TIAM1: variants seen among roughly 807,000 people sequenced by gnomAD.
The protein encoded by TIAM1 is TIAM Rac1 associated GEF 1.
In TIAM1, 65 loss-of-function variants were observed where a neutral mutation model predicts 163.5. The observed-to-expected ratio is 0.40, with a 90% CI of 0.33 to 0.49. The LOEUF (loss-of-function observed/expected upper bound fraction) is 0.49. Ranked by LOEUF, TIAM1 falls within the 20% of genes least tolerant of loss-of-function variation. The pLI, the probability that TIAM1 is intolerant of heterozygous loss-of-function variation, is 0.77. For synonymous variants in TIAM1, 833 were observed against 810.1 expected (o/e 1.03, Z -0.48); for missense variants, 1,789 against 2,044.7 (o/e 0.87, Z 2.41).
At chr21:31,257,226 CT>C (rs1489141003) in intron 4 of TIAM1, among the ~76,000 whole-genome samples, 1 of 152,162 alleles carries the variant, frequency 6.6e-6, no homozygotes, top group Non-Finnish European at 1.5e-5. Flanking sequence ...CCCTTCCTTT[CT>C]TAGGGCAAAA....
rs117213429 is a variant in TIAM1, at chr21:31,250,806, A to G, written c.1411+936T>C. Among the ~76,000 whole-genome samples, 74 of 152,378 alleles carry G rather than the reference A, an allele frequency of 4.9e-4. No individual in the cohort carries two copies. In the East Asian group the frequency reaches 0.012, roughly 25 times the overall value. On this transcript the variant is annotated intron_variant, in intron 5 of 27. Coordinates refer to ENST00000541036, the MANE Select transcript of TIAM1 (RefSeq NM_001353694.2). ...TTTTCTAGGCTACCAGGATGTATGC[A>G]GTACGTGCAACAATACGTACATGTA...
In TIAM1 at chr21:31,300,122, G is replaced by A. The variant is rs567163515; in HGVS notation, c.-188-23214C>T. Among the ~76,000 whole-genome samples the A allele has an allele frequency of 8.5e-5, 13 of 152,240 alleles. No homozygotes were observed. The South Asian group carries it at 2.1e-3, about 24-fold the overall frequency. On this transcript the variant is annotated intron_variant, in intron 2 of 27. Coordinates refer to ENST00000541036, the MANE Select transcript of TIAM1 (RefSeq NM_001353694.2). ...CAGCCCCCCTTGGTACTGTCTTTGCGACAGTGGGTGAGTTCTCGTGAGATC... is the reference window on the plus strand; with the variant it reads ...CAGCCCCCCTTGGTACTGTCTTTGCAACAGTGGGTGAGTTCTCGTGAGATC...
chr21:31,390,032 T>A (rs1237923058), intron 2 of TIAM1, among the ~76,000 whole-genome samples: 1 of 152,190 alleles, frequency 6.6e-6, no homozygotes, highest in Admixed American at 6.5e-5. Context: ...GATATATTTT[T>A]AAAAAATCTA....
chr21:31,420,536 T>C (rs867503702), intron 2 of TIAM1, among the ~76,000 whole-genome samples: 1 of 152,336 alleles, frequency 6.6e-6, no homozygotes, highest in African/African-American at 2.4e-5. Context: ...GCAAAGCATA[T>C]CAGATTGTCC....
At chr21:31,223,316 C>T (rs1226766271) in intron 8 of TIAM1, 90 bp downstream of exon 8, 43 of 1,416,802 alleles carry the variant, frequency 3.0e-5, no homozygotes, top group East Asian at 4.7e-5. Flanking sequence ...GCAGGAAGCT[C>T]GAAAAACACT....
chr21:31,510,234 G>C (rs1366989617), intron 1 of TIAM1, among the ~76,000 whole-genome samples: 1 of 152,214 alleles, frequency 6.6e-6, no homozygotes, highest in Non-Finnish European at 1.5e-5. Flanking sequence ...TTTCTCCTGA[G>C]GCCTCTCCTC....
rs559351286 is a variant in TIAM1 at position 31,539,512 on chromosome 21, G to A, written c.-422+19415C>T. On this transcript the variant is annotated intron_variant, in intron 1 of 28. Coordinates refer to the TIAM1 transcript ENST00000286827. ...GATCTCCTGACCTCGTGATCCGCCC[G>A]TCTCAGCCGCCCAAAGTGCTGGGAT... Among the ~76,000 whole-genome samples, 12 of 152,044 alleles carry A rather than the reference G, an allele frequency of 7.9e-5. No homozygotes were observed. In the East Asian group the frequency reaches 1.2e-3, roughly 15 times the overall value.
At chr21:31,282,285 C>T (rs192416962) in intron 2 of TIAM1, among the ~76,000 whole-genome samples, 33 of 152,344 alleles carry the variant, frequency 2.2e-4, no homozygotes, top group Admixed American at 2.0e-3. Context: ...CATCCTTCCA[C>T]GGAGGCTCAG....
At position 31,373,086 on chromosome 21, in the gene TIAM1, A is replaced by G. The variant is rs187560366; in HGVS notation, c.-368-33664T>C. 5.9e-5 allele frequency among the ~76,000 whole-genome samples: 9 copies of G among 151,884 alleles called. No homozygotes were observed. The East Asian group carries it at 1.5e-3, about 26-fold the overall frequency. Reference sequence around the variant, plus strand: ...AAAAAAAAGAAAAGAAAAGAAAAGAAAAAGAAAGAAAAGAAATTCCTTCTC... The same window carrying G: ...AAAAAAAAGAAAAGAAAAGAAAAGAGAAAGAAAGAAAAGAAATTCCTTCTC... On this transcript the variant is annotated intron_variant, in intron 2 of 28. Transcript: ENST00000286827.
intron 2 of TIAM1, among the ~76,000 whole-genome samples, chr21:31,318,132 C>G (rs999607083): frequency 1.3e-5 from 2 of 152,190 alleles, no homozygotes; most frequent in African/African-American, 4.8e-5. Flanking sequence ...CGGTCTCAGT[C>G]TGTCACCCAG....
At chr21:31,552,587 A>G (rs1057014238) in intron 1 of TIAM1, among the ~76,000 whole-genome samples, 1 of 152,114 alleles carries the variant, frequency 6.6e-6, no homozygotes, top group Non-Finnish European at 1.5e-5. Context: ...CAGCCTGGTC[A>G]ACATGGTGAA....
At chr21:31,327,534 G>C (rs1438637733) in intron 2 of TIAM1, among the ~76,000 whole-genome samples, 2 of 151,378 alleles carry the variant, frequency 1.3e-5, no homozygotes, top group East Asian at 3.9e-4. Flanking sequence ...CAGCTACTTG[G>C]GAGGCTGAGG....
chr21:31,287,595 G>A (rs1230774543), intron 2 of TIAM1, among the ~76,000 whole-genome samples: 4 of 152,026 alleles, frequency 2.6e-5, no homozygotes, highest in Non-Finnish European at 5.9e-5. Flanking sequence ...AAATGAACAG[G>A]GATAGGAGAG....
Position 31,395,150 on chromosome 21 carries a change from A to G in TIAM1, c.-368-55728T>C, listed in dbSNP as rs2077041632. Among the ~76,000 whole-genome samples the G allele has an allele frequency of 6.6e-6, 1 of 151,874 alleles. No individual in the cohort carries two copies. The highest frequency in any genetic ancestry group is 2.4e-5 in the African/African-American group (1 of 41,310). On this transcript the variant is annotated intron_variant, in intron 2 of 28. Coordinates refer to the TIAM1 transcript ENST00000286827. The surrounding 1 kb of genome is among the most constrained non-coding windows in gnomAD (Gnocchi z 7.5). ...CTACTTGGGAGGCTGCGGCACCAGA[A>G]TTGCTTGAGCCTGGGAGGCAGAGGT...
At chr21:31,229,118 C>A (rs767835869) in intron 6 of TIAM1, among the ~76,000 whole-genome samples, 16 of 152,128 alleles carry the variant, frequency 1.1e-4, no homozygotes, top group Non-Finnish European at 1.8e-4. Flanking sequence ...CACAGATAAA[C>A]TAATATACAG....
chr21:31,363,795 A>AAGAAAGCTCTCTGTTTCTG, intron 2 of TIAM1, among the ~76,000 whole-genome samples: 1 of 152,144 alleles, frequency 6.6e-6, no homozygotes, highest in East Asian at 1.9e-4. Context: ...GTTCTTCCAG[A>AAGAAAGCTCTCTGTTTCTG]AGAAAGCTCT....
chr21:31,321,637 C>T (rs2075317783), intron 2 of TIAM1, among the ~76,000 whole-genome samples: 1 of 151,974 alleles, frequency 6.6e-6, no homozygotes, highest in African/African-American at 2.4e-5. Flanking sequence ...AGGCGTGAGC[C>T]ACCACACCCA....
At chr21:31,136,529 T>G (rs2082629175) in intron 22 of TIAM1, among the ~76,000 whole-genome samples, 1 of 152,168 alleles carries the variant, frequency 6.6e-6, no homozygotes, top group Non-Finnish European at 1.5e-5. Context: ...ATCTCCTAAT[T>G]GAAAAATAAA....
upstream of TIAM1, among the ~76,000 whole-genome samples, chr21:31,345,858 G>A (rs1305181363): frequency 2.6e-5 from 4 of 152,180 alleles, no homozygotes; most frequent in African/African-American, 9.7e-5. Context: ...GCTGAGGCAT[G>A]AGAATTGCTT....
Sources: gnomAD v4.1 joint callset for allele counts (sites outside exome capture counted in the v4.1 genomes callset) on GRCh38, gnomAD v4.1.1 for gene constraint, Gnocchi (gnomAD v3.1) non-coding constraint, MANE v1.5 for transcripts, NCBI Gene and HGNC (gene_info 2026-07-23, HGNC 2026-07-21) for gene names.